Variants in ZNF66 observed in about 807,000 individuals in gnomAD.
ZNF66 encodes the protein putative zinc finger protein 66.
ZNF66 carries 32 observed loss-of-function variants against 35.2 expected under a neutral mutation model. That is an observed-to-expected ratio of 0.91 (90% confidence interval 0.69 to 1.22). ZNF66 has a LOEUF of 1.22. Among genes scored for constraint, ZNF66 ranks in the 50% most tolerant of loss-of-function variants. The probability of loss-of-function intolerance (pLI) is 0.00; values close to 1 mark genes in which losing one functional copy is unlikely to be tolerated. For missense variants in ZNF66, 666 were observed against 543.1 expected (o/e 1.23, Z -2.25); for synonymous variants, 231 against 181.3 (o/e 1.27, Z -2.20).
rs940810752 is a variant in ZNF66, at chr19:20,807,905, C to T, written c.*583C>T. Among the ~76,000 whole-genome samples, 13 of 152,280 alleles carry T rather than the reference C, an allele frequency of 8.5e-5. No homozygotes were observed. Among genetic ancestry groups the T allele is most frequent in the South Asian group, 4.2e-4 (2 of 4,818 alleles). ...GCACTGTGCATGAGCTGAAGCAGGGCGAGGCATTGCCTCACTCACGAAGCG... is the reference window on the plus strand; with the variant it reads ...GCACTGTGCATGAGCTGAAGCAGGGTGAGGCATTGCCTCACTCACGAAGCG... On this transcript the variant is annotated 3_prime_UTR_variant, in exon 4 of 4. Coordinates refer to ENST00000344519, the MANE Select transcript of ZNF66 (RefSeq NM_001355197.2).
At chr19:20,793,433 C>G (rs1302749151) in intron 2 of ZNF66, among the ~76,000 whole-genome samples, 1 of 146,818 alleles carries the variant, frequency 6.8e-6, no homozygotes, top group Non-Finnish European at 1.5e-5. Context: ...CAAGTTTCTC[C>G]TGCCTCAGCC....
intron 1 of ZNF66, among the ~76,000 whole-genome samples, chr19:20,786,521 C>T (rs1971288573): frequency 6.6e-6 from 1 of 152,178 alleles, no homozygotes; most frequent in South Asian, 2.1e-4. Context: ...TGCTGCTACT[C>T]CAGCCATTCA....
chr19:20,792,411 A>G, intron 1 of ZNF66, 101 bp from the exon 2 acceptor site: 6 of 1,111,188 alleles, frequency 5.4e-6, no homozygotes, highest in African/African-American at 1.6e-5. Context: ...CAGTCCTATA[A>G]GTCAGAACCA....
chr19:20,804,581 G>T (rs1178598831), intron 3 of ZNF66, among the ~76,000 whole-genome samples: 3 of 152,022 alleles, frequency 2.0e-5, no homozygotes. Context: ...TTCCTCTGTT[G>T]TCCAGGCTGT....
At chr19:20,798,836 T>C (rs1210267399) in intron 3 of ZNF66, among the ~76,000 whole-genome samples, 2 of 152,182 alleles carry the variant, frequency 1.3e-5, no homozygotes, top group African/African-American at 2.4e-5. Context: ...ATGTTCATCT[T>C]AAAATGTGAC....
chr19:20,802,434 G>C (rs1173219888), intron 3 of ZNF66, among the ~76,000 whole-genome samples: 1 of 152,090 alleles, frequency 6.6e-6, no homozygotes, highest in Non-Finnish European at 1.5e-5. Context: ...ACACAGCCCA[G>C]TTTTCTGAAC....
rs1345172613 is a variant in ZNF66, at chr19:20,809,481, CT to C, written c.*2161del. On this transcript the variant is annotated 3_prime_UTR_variant, in exon 4 of 4. Coordinates refer to ENST00000344519, the MANE Select transcript of ZNF66 (RefSeq NM_001355197.2). ...AGCCCATCAGACTCACAGCTGACCT[CT>C]TGGCAGAAACTCTATAAGCCAGAAG... 6.6e-6 allele frequency among the ~76,000 whole-genome samples: 1 copy of C among 152,216 alleles called. No individual in the cohort carries two copies. The highest frequency in any genetic ancestry group is 1.5e-5 in the Non-Finnish European group (1 of 68,042).
chr19:20,792,274 T>C (rs1287545157), intron 1 of ZNF66, among the ~76,000 whole-genome samples: 1 of 149,538 alleles, frequency 6.7e-6, no homozygotes, highest in Admixed American at 6.7e-5. Context: ...CTTAATTTTA[T>C]AGTTTATTTT....
intron 1 of ZNF66, among the ~76,000 whole-genome samples, chr19:20,783,503 C>T (rs570174085): frequency 4.6e-5 from 7 of 152,108 alleles, no homozygotes; most frequent in Admixed American, 2.6e-4. Flanking sequence ...TTTGTTTTTG[C>T]TTCTGAAAAG....
intron 1 of ZNF66, among the ~76,000 whole-genome samples, chr19:20,778,342 T>C (rs1971214582): frequency 6.6e-6 from 1 of 152,236 alleles, no homozygotes; most frequent in South Asian, 2.1e-4. Flanking sequence ...CCTCGTGATC[T>C]ACCCACCTTG....
chr19:20,793,312 C>CT (rs1568496794), intron 2 of ZNF66, among the ~76,000 whole-genome samples: 1 of 58,364 alleles, frequency 1.7e-5, no homozygotes. Context: ...CTTTTCTTTT[C>CT]TTTTCTTTTC....
chr19:20,803,431 A>G (rs993411150), intron 3 of ZNF66, among the ~76,000 whole-genome samples: 1 of 151,980 alleles, frequency 6.6e-6, no homozygotes, highest in African/African-American at 2.4e-5. Context: ...AGATCCAACA[A>G]TATATTTAAA....
Position 20,806,915 on chromosome 19 carries a change from ATTC to A in ZNF66, c.1318_1320del (p.Leu440del), listed in dbSNP as rs1568501942. On this transcript the variant is annotated inframe_deletion, in exon 4 of 4. Coordinates refer to ENST00000344519, the MANE Select transcript of ZNF66 (RefSeq NM_001355197.2). ...TGGCAAAGCCTTCAGTCGGTCCTCT[ATTC>A]TTACTACACATAAGATAATTCACAC... is the stretch of plus-strand genomic sequence containing the variant. The A allele has an allele frequency of 8.1e-7, 1 of 1,237,454 alleles. No homozygotes were observed. The highest frequency in any genetic ancestry group is 1.5e-5 in the African/African-American group (1 of 67,810). The allele number at this position is 1,237,454 out of a possible 1,614,324, so 76.7% of individuals were successfully genotyped here. A position where few individuals can be genotyped will look rare whatever the true frequency, so the allele number is the denominator to read the frequency against.
chr19:20,809,060 G>C lies in ZNF66; in HGVS notation c.*1738G>C, dbSNP rs1221460513. ...ATGCAGAAGCCTCAGGAGCCAATGCGATCAACTGGAAGAAAGGGTATCAGT... is the reference window on the plus strand; with the variant it reads ...ATGCAGAAGCCTCAGGAGCCAATGCCATCAACTGGAAGAAAGGGTATCAGT... On this transcript the variant is annotated 3_prime_UTR_variant, in exon 4 of 4. Coordinates refer to ENST00000344519, the MANE Select transcript of ZNF66 (RefSeq NM_001355197.2). Among the ~76,000 whole-genome samples the C allele has an allele frequency of 6.6e-6, 1 of 152,142 alleles. No homozygotes were observed. Among genetic ancestry groups the C allele is most frequent in the African/African-American group, 2.4e-5 (1 of 41,426 alleles).
In ZNF66 at chr19:20,806,592, A is replaced by G. The variant is rs1313561593; in HGVS notation, c.992A>G (p.His331Arg). 8.8e-6 allele frequency: 14 copies of G among 1,594,042 alleles called. No individual in the cohort carries two copies. Among genetic ancestry groups the G allele is most frequent in the Non-Finnish European group, 1.2e-5 (14 of 1,162,854 alleles). ...AFNWSSHLTT[H>R]KRIHTGEKPY... ...AACTGGTCCTCACACCTTACTACACATAAGAGAATTCATACTGGAGAGAAA... is the reference window on the plus strand; with the variant it reads ...AACTGGTCCTCACACCTTACTACACGTAAGAGAATTCATACTGGAGAGAAA... The change falls in exon 4 of 4, where the codon CAT becomes CGT. Residue 331 changes from histidine to arginine, a missense_variant. By Grantham distance (29) the His-to-Arg change is conservative. Transcript: ENST00000344519.
chr19:20,787,169 C>G (rs889651263), intron 1 of ZNF66, among the ~76,000 whole-genome samples: 1 of 152,188 alleles, frequency 6.6e-6, no homozygotes, highest in African/African-American at 2.4e-5. Context: ...TCAGCCCACT[C>G]TCTGTCCCTC....
rs752351156 is a variant in ZNF66, at chr19:20,806,366, C to A, written c.766C>A (p.Pro256Thr). 10 of 1,567,416 alleles carry A rather than the reference C, an allele frequency of 6.4e-6. No individual in the cohort carries two copies. The East Asian group carries it at 1.1e-4, about 18-fold the overall frequency. ...TAAGAAAATTCATACTGGAGAGAAACCCTACAAATGTGAAGAATGTGGCAA... is the reference window on the plus strand; with the variant it reads ...TAAGAAAATTCATACTGGAGAGAAAACCTACAAATGTGAAGAATGTGGCAA... ...THKKIHTGEKPYKCEECGKAF... is the reference protein window; with the variant it reads ...THKKIHTGEKTYKCEECGKAF... Residue 256 changes from proline (P) to threonine (T), a missense_variant, in exon 4 of 4, where the codon CCC becomes ACC. Transcript: ENST00000344519.
At chr19:20,800,443 T>C (rs1971437811) in intron 3 of ZNF66, among the ~76,000 whole-genome samples, 2 of 152,196 alleles carry the variant, frequency 1.3e-5, no homozygotes, top group African/African-American at 4.8e-5. Context: ...ATAATATGGT[T>C]TGGATGTCCT....
At chr19:20,794,699 T>C (rs1971374450) in intron 3 of ZNF66, 1 of 151,892 alleles carries the variant, frequency 6.6e-6, no homozygotes, top group Admixed American at 6.6e-5. Flanking sequence ...TTAAATAAGA[T>C]TTTTTCTTCC....
Sources: allele counts gnomAD v4.1 joint callset (sites outside exome capture counted in the v4.1 genomes callset), GRCh38; gene constraint gnomAD v4.1.1; transcripts MANE v1.5; gene names NCBI Gene and HGNC (gene_info 2026-07-23, HGNC 2026-07-21).